The following PRIMA1 variants were observed in gnomAD, a reference collection of about 807,000 sequenced individuals.
PRIMA1 encodes proline rich membrane anchor 1.
Under a neutral mutation model 17.5 loss-of-function variants are expected in PRIMA1, and 7 were observed. That is an observed-to-expected ratio of 0.40 (90% CI 0.23 to 0.75). PRIMA1 has a LOEUF of 0.75. PRIMA1 is among the 30% of genes least tolerant of loss of function. The pLI, the probability that PRIMA1 is intolerant of heterozygous loss-of-function variation, is 0.37. For missense variants in PRIMA1, 200 were observed against 201.8 expected, an observed-to-expected ratio of 0.99 and a Z score of 0.05; for synonymous variants, 97 against 77.9, an observed-to-expected ratio of 1.25 and a Z score of -1.29.
intron 4 of PRIMA1, among the ~76,000 whole-genome samples, 199 bp from the exon 5 acceptor site, chr14:93,721,745 C>G (rs891914605): frequency 6.6e-6 from 1 of 152,062 alleles, no homozygotes; most frequent in Non-Finnish European, 1.5e-5. Flanking sequence ...TGGACGTGGT[C>G]TTAACTCGGG....
intron 3 of PRIMA1, among the ~76,000 whole-genome samples, chr14:93,775,390 G>T (rs963252000): frequency 6.6e-6 from 1 of 152,240 alleles, no homozygotes; most frequent in Admixed American, 6.5e-5. Context: ...CCTGTTGAGT[G>T]AGAGCTGAGG....
Position 93,787,615 on chromosome 14 carries a change from G to A in PRIMA1, c.93+11C>T, listed in dbSNP as rs1185026070. ...GGCCCTCCCAGCCAGTGCGCAGCCG[G>A]CGCGTCTCACCTGCACGAAGCCCCA... On this transcript the variant is annotated intron_variant, in intron 2 of 4. Coordinates refer to ENST00000393140, the MANE Select transcript of PRIMA1 (RefSeq NM_178013.4). The A allele has an allele frequency of 6.5e-7, 1 of 1,540,182 alleles. No homozygotes were observed.
intron 3 of PRIMA1, among the ~76,000 whole-genome samples, chr14:93,754,121 GTGA>G (rs2076276786): frequency 6.6e-6 from 1 of 152,168 alleles, no homozygotes; most frequent in African/African-American, 2.4e-5. Flanking sequence ...TAATAAAAAC[GTGA>G]TGATAAGAGT....
At chr14:93,787,559 A>G in intron 2 of PRIMA1, 67 bp downstream of exon 2, 1 of 1,534,660 alleles carries the variant, frequency 6.5e-7, no homozygotes, top group South Asian at 1.2e-5. Context: ...GGGTCTCAGG[A>G]GGGAAGGGAC....
chr14:93,771,694 T>A (rs1286607298), intron 3 of PRIMA1, among the ~76,000 whole-genome samples: 3 of 152,138 alleles, frequency 2.0e-5, no homozygotes, highest in African/African-American at 7.2e-5. Flanking sequence ...GGTGTGACAT[T>A]TGTGGAAGTC....
Position 93,726,850 on chromosome 14 carries a change from CATAT to C in PRIMA1, c.360-5308_360-5305del, listed in dbSNP as rs2076080542. ...ACACATACACACATGTCCCTACACA[CATAT>C]GCACACATACACATATGTGCACATG... On this transcript the variant is annotated intron_variant, in intron 4 of 4. Transcript: ENST00000393140. The surrounding 1 kb of genome is among the most constrained non-coding windows in gnomAD (Gnocchi z 4.2). 6.6e-6 allele frequency among the ~76,000 whole-genome samples: 1 copy of C among 152,174 alleles called. No homozygotes were observed. Among genetic ancestry groups the C allele is most frequent in the South Asian group, 2.1e-4 (1 of 4,826 alleles).
chr14:93,747,816 G>A (rs1176653500), intron 3 of PRIMA1, among the ~76,000 whole-genome samples: 1 of 151,188 alleles, frequency 6.6e-6, no homozygotes, highest in Non-Finnish European at 1.5e-5. Flanking sequence ...TGAGTGTGTG[G>A]GAGTGTGATT....
chr14:93,771,198 C>T (rs1885055781), intron 3 of PRIMA1, among the ~76,000 whole-genome samples: 1 of 149,350 alleles, frequency 6.7e-6, no homozygotes, highest in Non-Finnish European at 1.5e-5. Flanking sequence ...GTATGGTTTC[C>T]AAATGTAAGC....
chr14:93,782,455 C>G (rs917914405), intron 2 of PRIMA1, among the ~76,000 whole-genome samples: 1 of 144,206 alleles, frequency 6.9e-6, no homozygotes, highest in Non-Finnish European at 1.5e-5. Context: ...CTCATCTCTA[C>G]AAATTTTTTT....
intron 3 of PRIMA1, 87 bp from the exon 4 acceptor site, chr14:93,737,457 A>G (rs1167101112): frequency 5.3e-6 from 8 of 1,495,332 alleles, no homozygotes; most frequent in Admixed American, 2.0e-5. Flanking sequence ...GGTGACACCA[A>G]CAGAGGCGTG....
At chr14:93,766,744 G>A (rs1377533387) in intron 3 of PRIMA1, among the ~76,000 whole-genome samples, 1 of 152,168 alleles carries the variant, frequency 6.6e-6, no homozygotes, top group Non-Finnish European at 1.5e-5. Flanking sequence ...ACCCCTTGCA[G>A]ACATCCACTT....
rs142991199 is a variant in PRIMA1, at chr14:93,782,896, C to T, written c.94-3585G>A. ...CCTTCAAACCTATCTCTTGAACAGCCTTCTTGGGTGTTCATGCAAGAACAG... is the reference window on the plus strand; with the variant it reads ...CCTTCAAACCTATCTCTTGAACAGCTTTCTTGGGTGTTCATGCAAGAACAG... On this transcript the variant is annotated intron_variant, in intron 2 of 4. Transcript: ENST00000393140. Among the ~76,000 whole-genome samples the T allele has an allele frequency of 3.1e-3, 468 of 152,326 alleles. 2 individuals carry two copies. The highest frequency in any genetic ancestry group is 9.3e-3 in the African/African-American group (385 of 41,574).
At chr14:93,752,576 C>A (rs2076266768) in intron 3 of PRIMA1, among the ~76,000 whole-genome samples, 1 of 152,212 alleles carries the variant, frequency 6.6e-6, no homozygotes, top group South Asian at 2.1e-4. Context: ...AGTTGGGCCA[C>A]TGTGGTGAAA....
At chr14:93,783,060 C>T (rs568579986) in intron 2 of PRIMA1, among the ~76,000 whole-genome samples, 137 of 152,338 alleles carry the variant, frequency 9.0e-4, no homozygotes, top group Middle Eastern at 3.4e-3. Flanking sequence ...ATTAGACTCA[C>T]CTGCTCAATG....
At chr14:93,728,918 T>C (rs1354609496) in intron 4 of PRIMA1, among the ~76,000 whole-genome samples, 3 of 152,144 alleles carry the variant, frequency 2.0e-5, no homozygotes, top group Non-Finnish European at 4.4e-5. Flanking sequence ...GATGGGTCTT[T>C]ATAGGGGGAC....
In PRIMA1 at chr14:93,771,058, ATGTG is replaced by A. The variant is rs3062787; in HGVS notation, c.229+8114_229+8117del. The stretch of plus-strand genomic sequence containing the variant: ...TGAAAAATTCAAAGTGAGTGCATGT[ATGTG>A]TGTGTGTGCATGTATGTGTGTACAT... On this transcript the variant is annotated intron_variant, in intron 3 of 4. Coordinates refer to ENST00000393140, the MANE Select transcript of PRIMA1 (RefSeq NM_178013.4). Among the ~76,000 whole-genome samples, 932 of 151,348 alleles carry A rather than the reference ATGTG, an allele frequency of 6.2e-3. 7 individuals are homozygous for A. Among genetic ancestry groups the A allele is most frequent in the Non-Finnish European group, 9.5e-3 (644 of 67,656 alleles).
At chr14:93,727,332 C>T (rs995880851) in intron 4 of PRIMA1, among the ~76,000 whole-genome samples, 2 of 152,250 alleles carry the variant, frequency 1.3e-5, no homozygotes, top group African/African-American at 2.4e-5. Context: ...CCCTTGAGCA[C>T]TGCTCTGCAG....
At chr14:93,777,226 G>A (rs574289329) in intron 3 of PRIMA1, among the ~76,000 whole-genome samples, 1 of 152,306 alleles carries the variant, frequency 6.6e-6, no homozygotes, top group East Asian at 1.9e-4. Context: ...TGAAGGGCTT[G>A]TGACTCTCAA....
In PRIMA1 at chr14:93,721,267, C is replaced by T. The variant is rs977965606; in HGVS notation, c.*177G>A. ...GCCTGGTGTCCGAGCTGCCTGGGCC[C>T]GCAGGCTGACCAGGGGCAAGCCTGG... On this transcript the variant is annotated 3_prime_UTR_variant, in exon 5 of 5. Transcript: ENST00000393140. The T allele has an allele frequency of 7.3e-5, 42 of 576,756 alleles. No homozygotes were observed. The highest frequency in any genetic ancestry group is 2.1e-4 in the African/African-American group (11 of 53,186). The allele number at this position is 576,756 out of a possible 1,614,324, so 35.7% of individuals were successfully genotyped here. A position where few individuals can be genotyped will look rare whatever the true frequency, so the allele number is the denominator to read the frequency against.
Sources: allele counts gnomAD v4.1 joint callset (sites outside exome capture counted in the v4.1 genomes callset), GRCh38; gene constraint gnomAD v4.1.1; non-coding constraint Gnocchi (gnomAD v3.1); transcripts MANE v1.5; gene names NCBI Gene and HGNC (gene_info 2026-07-23, HGNC 2026-07-21).